The following PLXNA4 variants were observed in gnomAD, a reference collection of about 807,000 sequenced individuals.
PLXNA4 encodes the protein plexin A4.
PLXNA4 carries 44 observed loss-of-function variants against 191.8 expected under a neutral mutation model. The observed-to-expected ratio is 0.23, with a 90% CI of 0.18 to 0.29. PLXNA4 has a LOEUF of 0.29. Ranked by LOEUF, PLXNA4 falls within the 10% of genes least tolerant of loss-of-function variation. The pLI, the probability that PLXNA4 is intolerant of heterozygous loss-of-function variation, is 1.00. For missense variants in PLXNA4, 1,800 were observed against 2,488.8 expected (o/e 0.72, Z 5.89); for synonymous variants, 1,082 against 1,009.5 (o/e 1.07, Z -1.36).
intron 21 of PLXNA4, among the ~76,000 whole-genome samples, chr7:132,171,818 C>T (rs1796296189): frequency 1.3e-5 from 2 of 152,158 alleles, no homozygotes; most frequent in African/African-American, 4.8e-5. Flanking sequence ...GGCTCTATTG[C>T]CTCGTCTGTA....
chr7:132,265,063 C>T (rs1380748877), intron 4 of PLXNA4, among the ~76,000 whole-genome samples: 3 of 152,118 alleles, frequency 2.0e-5, no homozygotes, highest in Non-Finnish European at 2.9e-5. Context: ...TTTTAAACAA[C>T]GACAAATGCA....
intron 3 of PLXNA4, among the ~76,000 whole-genome samples, chr7:132,445,157 G>GAAAAAAAAAAAAAA (rs71529762): frequency 1.9e-5 from 1 of 53,792 alleles, no homozygotes; most frequent in Non-Finnish European, 3.3e-5. Context: ...TCCATCTCAG[G>GAAAAAAAAAAAAAA]AAAAAAAAAA....
Position 132,507,494 on chromosome 7 carries a change from C to T in PLXNA4, c.1188+12G>A, listed in dbSNP as rs762387215. The T allele has an allele frequency of 1.9e-5, 30 of 1,602,258 alleles. No individual in the cohort carries two copies. In the African/African-American group the frequency reaches 3.5e-4, roughly 19 times the overall value. On this transcript the variant is annotated intron_variant, in intron 2 of 31. Coordinates refer to ENST00000321063, the MANE Select transcript of PLXNA4 (RefSeq NM_020911.2). ...CCCAACCATCCCAGCGCGCAGCCCTCCCTGTACTCACCGCACTGCTGCAGG... is the reference window on the plus strand; with the variant it reads ...CCCAACCATCCCAGCGCGCAGCCCTTCCTGTACTCACCGCACTGCTGCAGG...
chr7:132,375,368 G>A (rs1043183162), intron 3 of PLXNA4, among the ~76,000 whole-genome samples: 4 of 146,792 alleles, frequency 2.7e-5, no homozygotes, highest in Admixed American at 1.4e-4. Flanking sequence ...CCAGAAACCC[G>A]GTTGTCCCCC....
chr7:132,341,515 A>G lies in PLXNA4; in HGVS notation c.1372-43293T>C, dbSNP rs565127044. Among the ~76,000 whole-genome samples, 16 of 152,264 alleles carry G rather than the reference A, an allele frequency of 1.1e-4. No individual in the cohort carries two copies. In the South Asian group the frequency reaches 1.7e-3, roughly 16 times the overall value. On this transcript the variant is annotated intron_variant, in intron 3 of 31. Transcript: ENST00000321063. Reference sequence around the variant, plus strand: ...GCCCTTCCCAGAATGGCCCCAACCAATGTTTCCAGCCCCATATCCTGCCTT... The same window carrying G: ...GCCCTTCCCAGAATGGCCCCAACCAGTGTTTCCAGCCCCATATCCTGCCTT...
At chr7:132,538,202 T>G (rs1472899826) in intron 1 of PLXNA4, among the ~76,000 whole-genome samples, 1 of 152,160 alleles carries the variant, frequency 6.6e-6, no homozygotes, top group South Asian at 2.1e-4. Flanking sequence ...CTTCCTCTCA[T>G]GAGCCCAGAG....
chr7:132,388,205 G>A (rs936015947), intron 3 of PLXNA4, among the ~76,000 whole-genome samples: 2 of 152,084 alleles, frequency 1.3e-5, no homozygotes, highest in Non-Finnish European at 2.9e-5. Flanking sequence ...CCTTTTCGGA[G>A]CACTCCCATA....
chr7:132,205,424 T>C (rs1797583425), intron 10 of PLXNA4, among the ~76,000 whole-genome samples: 1 of 152,026 alleles, frequency 6.6e-6, no homozygotes, highest in South Asian at 2.1e-4. Context: ...CTATTAGAAG[T>C]AGGGAGGCAG....
At position 132,235,985 on chromosome 7, in the gene PLXNA4, G is replaced by A. The variant is rs574169874; in HGVS notation, c.1604+5081C>T. ...ACTTAGCATTGCTGAAGCTGTCATT[G>A]CCATCAGAGATGGGCAAGCCTGTGG... On this transcript the variant is annotated intron_variant, in intron 5 of 31. Coordinates refer to ENST00000321063, the MANE Select transcript of PLXNA4 (RefSeq NM_020911.2). Among the ~76,000 whole-genome samples, 252 of 152,316 alleles carry A rather than the reference G, an allele frequency of 1.7e-3. 2 individuals carry two copies. Among genetic ancestry groups the A allele is most frequent in the African/African-American group, 5.9e-3 (244 of 41,574 alleles).
intron 1 of PLXNA4, among the ~76,000 whole-genome samples, chr7:132,529,244 T>A (rs1278274139): frequency 1.3e-5 from 2 of 152,170 alleles, no homozygotes; most frequent in Non-Finnish European, 2.9e-5. Flanking sequence ...TCAAAGGGAA[T>A]AACAGAAATA....
intron 3 of PLXNA4, among the ~76,000 whole-genome samples, chr7:132,348,700 T>TG (rs1036989673): frequency 6.6e-6 from 1 of 151,976 alleles, no homozygotes; most frequent in Non-Finnish European, 1.5e-5. Context: ...GAAATTAGGG[T>TG]GGGGGCAACC....
At chr7:132,322,624 C>T (rs1420062290) in intron 3 of PLXNA4, among the ~76,000 whole-genome samples, 1 of 152,226 alleles carries the variant, frequency 6.6e-6, no homozygotes, top group Non-Finnish European at 1.5e-5. Context: ...GGACCATTCT[C>T]TAGTTTCAAA....
At chr7:132,465,932 G>T (rs1796683023) in intron 3 of PLXNA4, among the ~76,000 whole-genome samples, 1 of 152,120 alleles carries the variant, frequency 6.6e-6, no homozygotes, top group Non-Finnish European at 1.5e-5. Flanking sequence ...CCTGCTTAGA[G>T]CCAGAGAACA....
intron 5 of PLXNA4, among the ~76,000 whole-genome samples, chr7:132,232,010 T>C (rs1252201677): frequency 2.0e-5 from 3 of 152,160 alleles, no homozygotes; most frequent in East Asian, 1.9e-4. Context: ...AGGCTACAAA[T>C]GTCCAAAAGC....
chr7:132,632,022 G>A (rs1803500239), intron 2 of PLXNA4, among the ~76,000 whole-genome samples: 1 of 152,166 alleles, frequency 6.6e-6, no homozygotes, highest in South Asian at 2.1e-4. Context: ...ATCACCTGAG[G>A]TCAGGAGTTC....
At chr7:132,610,701 C>A (rs1266219000) in intron 2 of PLXNA4, among the ~76,000 whole-genome samples, 1 of 152,170 alleles carries the variant, frequency 6.6e-6, no homozygotes, top group Non-Finnish European at 1.5e-5. Context: ...TCATTTAAAC[C>A]CCAGATGTCA....
chr7:132,176,865 T>C (rs1248228703), intron 20 of PLXNA4, among the ~76,000 whole-genome samples: 2 of 152,104 alleles, frequency 1.3e-5, no homozygotes, highest in Non-Finnish European at 2.9e-5. Flanking sequence ...TCTGTGTGTA[T>C]GCATGTGTGA....
chr7:132,272,376 AT>A (rs1322234503), intron 4 of PLXNA4, among the ~76,000 whole-genome samples: 3 of 152,252 alleles, frequency 2.0e-5, no homozygotes, highest in Non-Finnish European at 2.9e-5. Flanking sequence ...AAAACAACTA[AT>A]TTTTTTAAGC....
At chr7:132,590,691 C>T (rs374454247) in intron 2 of PLXNA4, among the ~76,000 whole-genome samples, 6 of 152,172 alleles carry the variant, frequency 3.9e-5, no homozygotes, top group Admixed American at 2.6e-4. Flanking sequence ...CTGGTACCCA[C>T]GCAGATTGAG....
Sources: gnomAD v4.1 joint callset for allele counts (sites outside exome capture counted in the v4.1 genomes callset) on GRCh38, gnomAD v4.1.1 for gene constraint, MANE v1.5 for transcripts, NCBI Gene and HGNC (gene_info 2026-07-23, HGNC 2026-07-21) for gene names.